SARS2: variants seen among roughly 807,000 people sequenced by gnomAD.
SARS2 encodes the protein seryl-tRNA synthetase 2, mitochondrial.
A neutral mutation model predicts 66.8 loss-of-function variants in SARS2; 52 were observed. That is an observed-to-expected ratio of 0.78 (90% confidence interval 0.62 to 0.98). SARS2 has a LOEUF of 0.98. SARS2 is among the 50% of genes least tolerant of loss of function. The pLI is 0.00. For synonymous variants in SARS2, 306 were observed against 281.4 expected, an observed-to-expected ratio of 1.09 and a Z score of -0.87; for missense variants, 673 against 706.3, an observed-to-expected ratio of 0.95 and a Z score of 0.53.
rs1315596870 is a variant in SARS2 at position 38,921,345 on chromosome 19, CCCA to C, written c.589+44_589+46del. On this transcript the variant is annotated intron_variant, in intron 5 of 15. Coordinates refer to ENST00000221431, the MANE Select transcript of SARS2 (RefSeq NM_017827.4). ...GCCCCCACCCCGAGACCCCAGAACC[CCCA>C]CACCGCAGGGCTTGTCAGCTCCCAG... is the stretch of plus-strand genomic sequence containing the variant. The C allele has an allele frequency of 3.7e-6, 6 of 1,605,248 alleles. No individual in the cohort carries two copies. In the South Asian group the frequency reaches 5.5e-5, roughly 15 times the overall value.
intron 7 of SARS2, 75 bp downstream of exon 7, chr19:38,919,687 C>A: frequency 9.0e-7 from 1 of 1,106,164 alleles, no homozygotes; most frequent in Non-Finnish European, 1.4e-6. Flanking sequence ...AGAGATCACT[C>A]CCATCCCCGT....
In SARS2 at chr19:38,918,906, C is replaced by T. The variant is rs1439805639; in HGVS notation, c.760-93G>A. 3.8e-6 allele frequency: 5 copies of T among 1,311,224 alleles called. No individual in the cohort carries two copies. The East Asian group carries it at 7.6e-5, about 20-fold the overall frequency. The allele number at this position is 1,311,224 out of a possible 1,614,324, so 81.2% of individuals were successfully genotyped here. ...AAGGGGTGCTGCAGAGCCCCTTCCT[C>T]CTCAGACGAAACTGAGGCAGGGGCT... On this transcript the variant is annotated intron_variant, in intron 7 of 15. Transcript: ENST00000221431.
rs1212321988 is a variant in SARS2 at position 38,920,764 on chromosome 19, TAC to T, written c.590-617_590-616del. ...AGATACACAGACACAGATACAGACA[TAC>T]ACACAGAGATACACGGAGATATGCA... is the stretch of plus-strand genomic sequence containing the variant. On this transcript the variant is annotated intron_variant, in intron 5 of 15. Transcript: ENST00000221431. Among the ~76,000 whole-genome samples, 13 of 137,762 alleles carry T rather than the reference TAC, an allele frequency of 9.4e-5. No homozygotes were observed. In the East Asian group the frequency reaches 2.6e-3, roughly 28 times the overall value. 90.4% of individuals were successfully genotyped at this position (137,762 alleles called of 152,430 possible).
chr19:38,918,700 G>T (rs1160422197), intron 8 of SARS2, 66 bp downstream of exon 8: 3 of 1,535,092 alleles, frequency 2.0e-6, no homozygotes, highest in Non-Finnish European at 2.6e-6. Context: ...AGGTTTCCCT[G>T]CCTCGGGCAC....
At chr19:38,923,443 C>T (rs1318789556) in intron 2 of SARS2, among the ~76,000 whole-genome samples, 12 of 147,506 alleles carry the variant, frequency 8.1e-5, no homozygotes, top group East Asian at 6.3e-4. Context: ...GGGATGGTCT[C>T]GATCTCCTGA....
chr19:38,923,964 A>G (rs1974585798), intron 2 of SARS2, among the ~76,000 whole-genome samples: 1 of 102,854 alleles, frequency 9.7e-6, no homozygotes, highest in African/African-American at 4.8e-5. Context: ...GAAGAGCGAG[A>G]CTCAGTCTCA....
chr19:38,919,889 G>C (rs776945851), intron 6 of SARS2, 22 bp from the exon 7 acceptor site: 23 of 1,595,206 alleles, frequency 1.4e-5, no homozygotes, highest in Middle Eastern at 1.7e-4. Flanking sequence ...ACAGACAGGC[G>C]GGTGCACATG....
rs753105732 is a variant in SARS2 at position 38,921,094 on chromosome 19, CAT to C, written c.589+296_589+297del. Among the ~76,000 whole-genome samples, 61 of 151,998 alleles carry C rather than the reference CAT, an allele frequency of 4.0e-4. 1 individual carries two copies. The highest frequency in any genetic ancestry group is 2.7e-3 in the South Asian group (13 of 4,816). On this transcript the variant is annotated intron_variant, in intron 5 of 15. Coordinates refer to ENST00000221431, the MANE Select transcript of SARS2 (RefSeq NM_017827.4). ...ATACAGACACACAGATACAGACACA[CAT>C]GACACACAGTCACACAACACATACA...
At chr19:38,919,162 C>T (rs1428133669) in intron 7 of SARS2, among the ~76,000 whole-genome samples, 1 of 152,190 alleles carries the variant, frequency 6.6e-6, no homozygotes, top group East Asian at 1.9e-4. Flanking sequence ...TGGCATGTGC[C>T]TGTAATCCCA....
rs1373149065 is a variant in SARS2 at position 38,919,756 on chromosome 19, C to T, written c.759+6G>A. The T allele has an allele frequency of 1.2e-6, 2 of 1,613,164 alleles. No homozygotes were observed. Among genetic ancestry groups the T allele is most frequent in the Non-Finnish European group, 1.7e-6 (2 of 1,179,096 alleles). On this transcript the variant is annotated splice_donor_region_variant and intron_variant, in intron 7 of 15. Coordinates refer to ENST00000221431, the MANE Select transcript of SARS2 (RefSeq NM_017827.4). Reference sequence around the variant, plus strand: ...CTCCAGGCAGCCCTCCTATCTTGGCCCATACCCGGCGGAGAAGCTTGTTGA... The same window carrying T: ...CTCCAGGCAGCCCTCCTATCTTGGCTCATACCCGGCGGAGAAGCTTGTTGA...
chr19:38,921,949 G>A (rs1974544249), intron 3 of SARS2: 1 of 1,544,964 alleles, frequency 6.5e-7, no homozygotes, highest in Non-Finnish European at 8.8e-7. Context: ...ATCAGCCCCA[G>A]GACTTTAACT....
rs1470772997 is a variant in SARS2, at chr19:38,915,710, G to C, written c.1453C>G (p.Leu485Val). The stretch of plus-strand genomic sequence containing the variant: ...GGGGCTGTGATCCGATCAGTGCCGA[G>C]GTAGGACTGGAGGGCAGGGGGCACG... ...VLVPPALQSY[L>V]GTDRITAPTH... The change falls in exon 16 of 16, where the codon CTC becomes GTC. Residue 485 changes from leucine to valine, a missense_variant. Physicochemically the swap from Leu to Val is conservative, Grantham distance 32 (BLOSUM62 1). Coordinates refer to ENST00000221431, the MANE Select transcript of SARS2 (RefSeq NM_017827.4). 4 of 1,613,290 alleles carry C rather than the reference G, an allele frequency of 2.5e-6. No individual in the cohort carries two copies. Among genetic ancestry groups the C allele is most frequent in the Non-Finnish European group, 3.4e-6 (4 of 1,179,590 alleles).
intron 15 of SARS2, 42 bp from the exon 16 acceptor site, chr19:38,915,791 C>T: frequency 6.2e-7 from 1 of 1,612,640 alleles, no homozygotes. Context: ...GATGCCCCAG[C>T]CCTCCCCGGC....
In SARS2 at chr19:38,930,507, C is replaced by A. The variant is rs902727059; in HGVS notation, c.230G>T (p.Arg77Leu). 2.2e-5 allele frequency: 35 copies of A among 1,610,040 alleles called. No homozygotes were observed. The highest frequency in any genetic ancestry group is 2.6e-5 in the Non-Finnish European group (31 of 1,178,106). The change falls in exon 1 of 16, where the codon CGC (arginine) becomes CTC (leucine). Residue 77 changes from arginine (R) to leucine (L), a missense_variant. Physicochemically the swap from Arg to Leu is moderately radical, Grantham distance 102. Coordinates refer to ENST00000221431, the MANE Select transcript of SARS2 (RefSeq NM_017827.4). ...GTCCGCCGAGCGCAGCTCCCCCTTG[C>A]GGAGCTCCAGGGCGTGTGCGGCCTC... ...PEEAAHALEL[R>L]KGELRSADLP...
In SARS2 at chr19:38,921,447, C is replaced by G; in HGVS notation, c.535-1G>C. ...GAGCCTGGCTCTCATCCCCGACGGG[C>G]TGCAGGGAGACAGCAGGAGTCACGG... is the stretch of plus-strand genomic sequence containing the variant. On this transcript the variant is annotated splice_acceptor_variant, in intron 4 of 15. Transcript: ENST00000221431. LOFTEE classifies it high-confidence loss of function. 6.2e-7 allele frequency: 1 copy of G among 1,614,132 alleles called. No homozygotes were observed.
intron 12 of SARS2, among the ~76,000 whole-genome samples, chr19:38,917,345 G>A (rs1035729023): frequency 4.6e-5 from 7 of 152,216 alleles, no homozygotes; most frequent in African/African-American, 1.7e-4. Flanking sequence ...TGACTGACAG[G>A]GTGAGAGGAA....
intron 1 of SARS2, among the ~76,000 whole-genome samples, chr19:38,927,584 A>C (rs965291418): frequency 6.6e-6 from 1 of 152,114 alleles, no homozygotes; most frequent in Admixed American, 6.6e-5. Flanking sequence ...TCTCCAAAAA[A>C]AAAAAAAATT....
At chr19:38,922,046 A>G (rs747378428) in intron 3 of SARS2, 192 bp downstream of exon 3, 1 of 1,558,390 alleles carries the variant, frequency 6.4e-7, no homozygotes, top group Admixed American at 1.9e-5. Flanking sequence ...ACGTAGGACC[A>G]AATATGGAGC....
At position 38,918,406 on chromosome 19, in the gene SARS2, CCA is replaced by C. The variant is rs60352446; in HGVS notation, c.916+14_916+15del. ...CATCACTCCTGCTCCTCCCCACCAC[CCA>C]CACAGGTCCTCACCTGCAAGCCCCA... On this transcript the variant is annotated intron_variant, in intron 9 of 15. Transcript: ENST00000221431. 10,249 of 1,603,638 alleles carry C rather than the reference CCA, an allele frequency of 6.4e-3. 600 individuals carry two copies. In the African/African-American group the frequency reaches 0.12, roughly 19 times the overall value.
Sources: gnomAD v4.1 joint callset for allele counts (sites outside exome capture counted in the v4.1 genomes callset) on GRCh38, gnomAD v4.1.1 for gene constraint, MANE v1.5 for transcripts, NCBI Gene and HGNC (gene_info 2026-07-23, HGNC 2026-07-21) for gene names.